Variants in SIM2 observed in about 807,000 individuals in gnomAD.
SIM2 encodes SIM bHLH transcription factor 2.
In SIM2, 28 loss-of-function variants were observed where a neutral mutation model predicts 64.8. That is an observed-to-expected ratio of 0.43 (90% CI 0.32 to 0.59). The LOEUF (loss-of-function observed/expected upper bound fraction) is 0.59, where lower values mean the gene tolerates loss of function less well. SIM2 is among the 20% of genes least tolerant of loss of function. The pLI, the probability that SIM2 is intolerant of heterozygous loss-of-function variation, is 0.07. For synonymous variants in SIM2, 408 were observed against 391.1 expected, an observed-to-expected ratio of 1.04 and a Z score of -0.51; for missense variants, 847 against 871.4, an observed-to-expected ratio of 0.97 and a Z score of 0.35.
intron 1 of SIM2, among the ~76,000 whole-genome samples, chr21:36,700,286 TCTC>T (rs1038401373): frequency 7.1e-6 from 1 of 141,530 alleles, no homozygotes; most frequent in East Asian, 2.1e-4. Context: ...TGGATTTTTT[TCTC>T]TCTTTCTTTC....
chr21:36,709,096 C>T, intron 1 of SIM2, 72 bp from the exon 2 acceptor site: 1 of 1,377,896 alleles, frequency 7.3e-7, no homozygotes, highest in South Asian at 1.3e-5. Flanking sequence ...AGGGGTTCCG[C>T]GTGACCTGCC....
chr21:36,726,447 G>A lies in SIM2; in HGVS notation c.743+129G>A, dbSNP rs2088892523. 3 of 752,082 alleles carry A rather than the reference G, an allele frequency of 4.0e-6. 1 individual carries two copies. Among genetic ancestry groups the A allele is most frequent in the Non-Finnish European group, 6.4e-6 (3 of 469,660 alleles). The allele number at this position is 752,082 out of a possible 1,614,324, so 46.6% of individuals were successfully genotyped here. ...AAGTCATAATAGGAATGTGGATTAA[G>A]CAAAACCAATTTATGAACTGAAAGA... On this transcript the variant is annotated intron_variant, in intron 6 of 10. Coordinates refer to ENST00000290399, the MANE Select transcript of SIM2 (RefSeq NM_005069.6). This position sits in a 1 kb window ranked among gnomAD's most constrained non-coding sequence, Gnocchi z 4.5.
At position 36,703,299 on chromosome 21, in the gene SIM2, C is replaced by T. The variant is rs74631376; in HGVS notation, c.175+3378C>T. ...TTGGGGATGTTTTCAACATTTACAG[C>T]GAGGTTTGAGGCCCCATTGTCATGC... On this transcript the variant is annotated intron_variant, in intron 1 of 10. Coordinates refer to ENST00000290399, the MANE Select transcript of SIM2 (RefSeq NM_005069.6). Among the ~76,000 whole-genome samples, 1,350 of 152,298 alleles carry T rather than the reference C, an allele frequency of 8.9e-3. 15 individuals carry two copies. Among genetic ancestry groups the T allele is most frequent in the African/African-American group, 0.029 (1,217 of 41,564 alleles).
At chr21:36,737,984 C>CAAAAAAAAAAA (rs71326699) in intron 7 of SIM2, among the ~76,000 whole-genome samples, 7 of 90,232 alleles carry the variant, frequency 7.8e-5, no homozygotes, top group East Asian at 3.3e-4. Context: ...AAAAAAAAAG[C>CAAAAAAAAAAA]AAAAAAAAAG....
intron 4 of SIM2, among the ~76,000 whole-genome samples, chr21:36,721,035 G>A (rs183296012): frequency 6.6e-6 from 1 of 152,326 alleles, no homozygotes; most frequent in Admixed American, 6.5e-5. Flanking sequence ...GTGGGGAGAG[G>A]TCATTCTCGG....
At chr21:36,739,300 G>T (rs1367716713) in intron 7 of SIM2, among the ~76,000 whole-genome samples, 2 of 152,096 alleles carry the variant, frequency 1.3e-5, no homozygotes, top group Non-Finnish European at 2.9e-5. Flanking sequence ...GTCACAGGGG[G>T]GTTGGTAGCT....
At position 36,704,773 on chromosome 21, in the gene SIM2, A is replaced by G. The variant is rs1356118341; in HGVS notation, c.176-4395A>G. 4.6e-5 allele frequency among the ~76,000 whole-genome samples: 7 copies of G among 152,334 alleles called. No homozygotes were observed. In the East Asian group the frequency reaches 1.2e-3, roughly 25 times the overall value. ...ATACCCGCGGGCGACAAGCCGGGCC[A>G]GGCTAGGAGCCTCCTTCCCTGCCCC... On this transcript the variant is annotated intron_variant, in intron 1 of 10. Transcript: ENST00000290399.
intron 7 of SIM2, among the ~76,000 whole-genome samples, chr21:36,736,208 C>T (rs765019565): frequency 2.0e-5 from 3 of 152,216 alleles, no homozygotes; most frequent in South Asian, 4.2e-4. Context: ...ACGCATCTGT[C>T]GTGGGCAGTG....
At position 36,745,935 on chromosome 21, in the gene SIM2, CG is replaced by C; in HGVS notation, c.1576+800del. The C allele has an allele frequency of 8.0e-7, 1 of 1,256,882 alleles. No homozygotes were observed. Among genetic ancestry groups the C allele is most frequent in the African/African-American group, 1.5e-5 (1 of 65,348 alleles). 77.9% of individuals were successfully genotyped at this position (1,256,882 alleles called of 1,614,324 possible). A position where few individuals can be genotyped will look rare whatever the true frequency, so the allele number is the denominator to read the frequency against. On this transcript the variant is annotated intron_variant, in intron 10 of 10. Coordinates refer to ENST00000290399, the MANE Select transcript of SIM2 (RefSeq NM_005069.6). This position sits in a 1 kb window ranked among gnomAD's most constrained non-coding sequence, Gnocchi z 4.8. Reference sequence around the variant, plus strand: ...TGCAGGACATGTATTCCCATTGCACCGAGACCTAACTGCCGCTCAGAGTGTA... The same window carrying C: ...TGCAGGACATGTATTCCCATTGCACCAGACCTAACTGCCGCTCAGAGTGTA...
At chr21:36,707,704 C>G (rs963960233) in intron 1 of SIM2, among the ~76,000 whole-genome samples, 2 of 151,990 alleles carry the variant, frequency 1.3e-5, no homozygotes, top group Non-Finnish European at 2.9e-5. Flanking sequence ...CTCCAGAGAC[C>G]GCGATGCCCA....
rs79500645 is a variant in SIM2, at chr21:36,724,575, G to A, written c.543+1445G>A. 7.1e-3 allele frequency among the ~76,000 whole-genome samples: 1,084 copies of A among 152,316 alleles called. 16 individuals carry two copies. Among genetic ancestry groups the A allele is most frequent in the African/African-American group, 0.025 (1,050 of 41,564 alleles). ...ATTACAGACAGGAGCCACCGCGCCTGGATGGGACTTGGGTCTTGACTTTTT... is the reference window on the plus strand; with the variant it reads ...ATTACAGACAGGAGCCACCGCGCCTAGATGGGACTTGGGTCTTGACTTTTT... On this transcript the variant is annotated intron_variant, in intron 5 of 10. Coordinates refer to ENST00000290399, the MANE Select transcript of SIM2 (RefSeq NM_005069.6).
intron 7 of SIM2, among the ~76,000 whole-genome samples, chr21:36,736,728 C>CCTT: frequency 1.0e-5 from 1 of 96,758 alleles, no homozygotes; most frequent in South Asian, 4.3e-4. Context: ...TCCCTTCCTT[C>CCTT]CCTCCTTCCC....
At chr21:36,728,602 T>C (rs1040414113) in intron 6 of SIM2, among the ~76,000 whole-genome samples, 13 of 152,240 alleles carry the variant, frequency 8.5e-5, no homozygotes, top group Non-Finnish European at 1.5e-4. Flanking sequence ...TAGCAAAGCC[T>C]TGAGGCCTTT....
Position 36,741,822 on chromosome 21 carries a change from C to T in SIM2, c.956C>T (p.Ser319Leu), listed in dbSNP as rs1363642053. The T allele has an allele frequency of 1.3e-5, 21 of 1,607,802 alleles. No individual in the cohort carries two copies. Among genetic ancestry groups the T allele is most frequent in the Admixed American group, 3.4e-5 (2 of 59,256 alleles). ...SYATVVHNSRSSRPHCIVSVN... is the reference protein window; with the variant it reads ...SYATVVHNSRLSRPHCIVSVN... ...GCCACCGTGGTGCACAACAGCCGCTCGTCCCGGCCCCACTGCATCGTGAGT... is the reference window on the plus strand; with the variant it reads ...GCCACCGTGGTGCACAACAGCCGCTTGTCCCGGCCCCACTGCATCGTGAGT... The change falls in exon 8 of 11, where the codon TCG becomes TTG. Residue 319 changes from serine (S) to leucine (L), a missense_variant. By Grantham distance (145) the Ser-to-Leu change is moderately radical. Transcript: ENST00000290399.
intron 5 of SIM2, among the ~76,000 whole-genome samples, chr21:36,723,471 G>C (rs931597629): frequency 2.0e-5 from 3 of 152,178 alleles, no homozygotes; most frequent in Admixed American, 2.0e-4. Context: ...AGTGCAGCTG[G>C]CAGTGGTATC....
chr21:36,708,176 CA>C (rs1243973147), intron 1 of SIM2, among the ~76,000 whole-genome samples: 3 of 152,214 alleles, frequency 2.0e-5, no homozygotes, highest in Non-Finnish European at 4.4e-5. Flanking sequence ...GGTCTGCGGC[CA>C]GGCTCCCGGC....
chr21:36,709,197 C>A lies in SIM2; in HGVS notation c.205C>A (p.Arg69Ser). ...GLGDAWGQPS[R>S]AGPLDGVAKE... ...AGGAGACGCGTGGGGACAGCCGAGC[C>A]GCGCCGGGCCCCTGGACGGCGTCGC... The change falls in exon 2 of 11, where the codon CGC becomes AGC. Residue 69 changes from arginine (R) to serine (S), a missense_variant. By Grantham distance (110) the Arg-to-Ser change is moderately radical. Around this residue, in one of 3 missense-constraint regions of SIM2, gnomAD observed 397 missense variants for 439.2 expected, o/e 0.90. Transcript: ENST00000290399. 6.2e-7 allele frequency: 1 copy of A among 1,610,750 alleles called. No individual in the cohort carries two copies.
At chr21:36,708,007 C>T (rs2088612595) in intron 1 of SIM2, among the ~76,000 whole-genome samples, 1 of 65,972 alleles carries the variant, frequency 1.5e-5, no homozygotes, top group East Asian at 4.2e-4. Flanking sequence ...CCAGCAGCGC[C>T]CGCAGCTCGC....
rs182251207 is a variant in SIM2, at chr21:36,715,043, A to T, written c.348+2421A>T. 2.4e-4 allele frequency among the ~76,000 whole-genome samples: 37 copies of T among 152,346 alleles called. 1 individual carries two copies. Among genetic ancestry groups the T allele is most frequent in the African/African-American group, 8.9e-4 (37 of 41,576 alleles). ...CTCTCCAGTAGAAGTGATAGTTTCT[A>T]AAAAGATAAGTCAAACTGATCATTT... On this transcript the variant is annotated intron_variant, in intron 3 of 10. Coordinates refer to ENST00000290399, the MANE Select transcript of SIM2 (RefSeq NM_005069.6).
Sources: allele counts gnomAD v4.1 joint callset (sites outside exome capture counted in the v4.1 genomes callset), GRCh38; gene constraint gnomAD v4.1.1; regional missense constraint gnomAD v4.1.1; non-coding constraint Gnocchi (gnomAD v3.1); transcripts MANE v1.5; gene names NCBI Gene and HGNC (gene_info 2026-07-23, HGNC 2026-07-21).